MTUS1: variants seen among roughly 807,000 people sequenced by gnomAD.
MTUS1 encodes microtubule associated scaffold protein 1, also known as microtubule-associated tumor suppressor 1.
Under a neutral mutation model 120.8 loss-of-function variants are expected in MTUS1, and 109 were observed. The observed-to-expected ratio is 0.90, with a 90% CI of 0.77 to 1.06. MTUS1 has a LOEUF of 1.06. Among genes scored for constraint, MTUS1 ranks in the 50% least tolerant of loss-of-function variants. The probability of loss-of-function intolerance (pLI) is 0.00; values close to 1 mark genes in which losing one functional copy is unlikely to be tolerated. For synonymous variants in MTUS1, 737 were observed against 550.5 expected (o/e 1.34, Z -4.74); for missense variants, 2,210 against 1,486.3 (o/e 1.49, Z -8.01).
At chr8:17,784,366 G>A (rs12542003) in intron 1 of MTUS1, among the ~76,000 whole-genome samples, 108,759 of 148,964 alleles carry the variant, frequency 0.73, 41,267 homozygotes, top group Non-Finnish European at 0.85. Flanking sequence ...CGCCATCTCG[G>A]CTCACTGCAA....
chr8:17,679,664 G>A (rs1585631692), intron 7 of MTUS1, among the ~76,000 whole-genome samples: 1 of 151,932 alleles, frequency 6.6e-6, no homozygotes, highest in East Asian at 1.9e-4. Flanking sequence ...ACCATGCCTG[G>A]CTAATTTTTG....
chr8:17,695,880 C>A (rs572462550), intron 6 of MTUS1, among the ~76,000 whole-genome samples: 1 of 152,092 alleles, frequency 6.6e-6, no homozygotes, highest in Admixed American at 6.6e-5. Context: ...CAGCTGAGAG[C>A]GGCTGTCTCC....
intron 2 of MTUS1, among the ~76,000 whole-genome samples, chr8:17,752,611 G>A (rs1453821311): frequency 1.3e-5 from 2 of 151,334 alleles, no homozygotes; most frequent in Non-Finnish European, 1.5e-5. Flanking sequence ...TCTTCTAAAC[G>A]GACCTGACAA....
chr8:17,710,146 G>A (rs908818996), intron 6 of MTUS1, among the ~76,000 whole-genome samples: 1 of 152,174 alleles, frequency 6.6e-6, no homozygotes. Context: ...GACTGATTAG[G>A]GTAGTGGTTG....
intron 7 of MTUS1, among the ~76,000 whole-genome samples, chr8:17,675,566 TG>T (rs1247716936): frequency 2.0e-5 from 3 of 152,252 alleles, no homozygotes; most frequent in Non-Finnish European, 4.4e-5. Context: ...TAATGCATAC[TG>T]TACTTAAGAT....
chr8:17,660,317 G>A (rs976881608), intron 8 of MTUS1, among the ~76,000 whole-genome samples: 4 of 152,150 alleles, frequency 2.6e-5, no homozygotes, highest in Admixed American at 6.5e-5. Flanking sequence ...AGGTTGCAGT[G>A]AGCCAAGATA....
At position 17,646,971 on chromosome 8, in the gene MTUS1, T is replaced by G. The variant is rs547141247; in HGVS notation, c.3599+11A>C. On this transcript the variant is annotated intron_variant, in intron 14 of 14. Coordinates refer to ENST00000693296, the MANE Select transcript of MTUS1 (RefSeq NM_001363059.2). ...GGGAGCTCGGGAGAAACAGCACTGT[T>G]TTATTTTTACCTTGAGATTGCCATG... 9.3e-6 allele frequency: 15 copies of G among 1,610,154 alleles called. No individual in the cohort carries two copies. In the South Asian group the frequency reaches 1.4e-4, roughly 15 times the overall value.
chr8:17,766,144 T>C (rs2049469944), intron 1 of MTUS1, among the ~76,000 whole-genome samples: 1 of 152,186 alleles, frequency 6.6e-6, no homozygotes, highest in Non-Finnish European at 1.5e-5. Flanking sequence ...TGTCACCAAG[T>C]TCAAGTTTGC....
chr8:17,670,282 T>G (rs1157182466), intron 8 of MTUS1, among the ~76,000 whole-genome samples: 1 of 152,136 alleles, frequency 6.6e-6, no homozygotes, highest in Non-Finnish European at 1.5e-5. Context: ...CATCTGCAGC[T>G]TGGGAAGGAG....
At chr8:17,768,858 T>C (rs983799304) in intron 1 of MTUS1, among the ~76,000 whole-genome samples, 10 of 152,206 alleles carry the variant, frequency 6.6e-5, no homozygotes, top group Non-Finnish European at 1.5e-4. Context: ...CAAAAAATCA[T>C]GTTTACACCA....
intron 6 of MTUS1, among the ~76,000 whole-genome samples, chr8:17,685,383 T>C (rs1260204592): frequency 6.6e-6 from 1 of 151,772 alleles, no homozygotes; most frequent in African/African-American, 2.4e-5. Context: ...TCAAACAGAA[T>C]TGGAAAAACA....
At chr8:17,712,879 T>C (rs1000268982) in intron 6 of MTUS1, among the ~76,000 whole-genome samples, 4 of 152,180 alleles carry the variant, frequency 2.6e-5, no homozygotes, top group Middle Eastern at 3.4e-3. Flanking sequence ...AAACCAAATA[T>C]TGAGACCACT....
intron 7 of MTUS1, chr8:17,676,048 C>A: frequency 1.8e-6 from 1 of 571,426 alleles, no homozygotes. Context: ...CAGGGAGTAA[C>A]TAAAAAAAAA....
intron 6 of MTUS1, chr8:17,697,772 T>C (rs1006549121): frequency 9.2e-5 from 90 of 977,694 alleles, no homozygotes; most frequent in Admixed American, 1.2e-4. Flanking sequence ...ATGTCACAGA[T>C]CCTGTAACCA....
chr8:17,648,172 A>C (rs1806234369), intron 13 of MTUS1, among the ~76,000 whole-genome samples: 1 of 152,164 alleles, frequency 6.6e-6, no homozygotes, highest in African/African-American at 2.4e-5. Flanking sequence ...TTTCATGGGA[A>C]AGCTGTCTTT....
chr8:17,679,071 A>C (rs1377445118), intron 7 of MTUS1, among the ~76,000 whole-genome samples: 1 of 152,222 alleles, frequency 6.6e-6, no homozygotes, highest in Non-Finnish European at 1.5e-5. Flanking sequence ...CTACAGTGGG[A>C]AACTTATAGT....
At chr8:17,730,515 C>G (rs2046498567) in intron 3 of MTUS1, among the ~76,000 whole-genome samples, 1 of 147,250 alleles carries the variant, frequency 6.8e-6, no homozygotes, top group African/African-American at 2.5e-5. Context: ...AAGTGAAAGA[C>G]TTGAGCAGGT....
intron 6 of MTUS1, among the ~76,000 whole-genome samples, chr8:17,700,831 G>C (rs1818935304): frequency 6.6e-6 from 1 of 151,976 alleles, no homozygotes; most frequent in Non-Finnish European, 1.5e-5. Flanking sequence ...TCTATACTAA[G>C]GCTTAAATAA....
chr8:17,647,161 C>T, intron 13 of MTUS1, 82 bp from the exon 14 acceptor site: 1 of 1,029,004 alleles, frequency 9.7e-7, no homozygotes, highest in Non-Finnish European at 1.5e-6. Flanking sequence ...ACGACACAAG[C>T]ACACTTTGGA....
Sources: allele counts gnomAD v4.1 joint callset (sites outside exome capture counted in the v4.1 genomes callset), GRCh38; gene constraint gnomAD v4.1.1; transcripts MANE v1.5; gene names NCBI Gene and HGNC (gene_info 2026-07-23, HGNC 2026-07-21).